The following SHB variants were observed in gnomAD, a reference collection of about 807,000 sequenced individuals.
The protein encoded by SHB is SH2 domain containing adaptor protein B.
SHB carries 20 observed loss-of-function variants against 52.3 expected under a neutral mutation model. The ratio of observed to expected loss-of-function variants is 0.38; its 90% CI spans 0.27 to 0.56. SHB has a LOEUF of 0.56. Among genes scored for constraint, SHB ranks in the 20% least tolerant of loss-of-function variants. SHB has a pLI of 0.71. For missense variants in SHB, 825 were observed against 723.3 expected, an observed-to-expected ratio of 1.14 and a Z score of -1.61; for synonymous variants, 397 against 316.5, an observed-to-expected ratio of 1.25 and a Z score of -2.70.
rs568621562 is a variant in SHB at position 37,926,215 on chromosome 9, G to A, written c.1347-6211C>T. ...ATAACCCCACCCCCACCCTGAGGAT[G>A]GCAATTCTGCCTCTTGAAAGCAGTG... is the stretch of plus-strand genomic sequence containing the variant. On this transcript the variant is annotated intron_variant, in intron 5 of 5. Coordinates refer to ENST00000377707, the MANE Select transcript of SHB (RefSeq NM_003028.3). Among the ~76,000 whole-genome samples the A allele has an allele frequency of 8.7e-5, 13 of 149,982 alleles. No homozygotes were observed. In the South Asian group the frequency reaches 2.8e-3, roughly 32 times the overall value.
At chr9:37,926,980 G>A (rs80233595) in intron 5 of SHB, among the ~76,000 whole-genome samples, 1,757 of 152,342 alleles carry the variant, frequency 0.012, 27 homozygotes, top group East Asian at 0.075. Flanking sequence ...GTCCATGACT[G>A]GACTAACCTG....
At position 38,068,561 on chromosome 9, in the gene SHB, C is replaced by T; in HGVS notation, c.85G>A (p.Glu29Lys). ...GGCCGCTCGCCTCGGCGCCGCTGCTCGCGGTAGTCTGGCCGCGGCGGCTGC... is the reference window on the plus strand; with the variant it reads ...GGCCGCTCGCCTCGGCGCCGCTGCTTGCGGTAGTCTGGCCGCGGCGGCTGC... ...PPQPPRPDYR[E>K]QRRRGERPSQ... is the part of the protein sequence containing the mutation. Residue 29 changes from glutamate (E) to lysine (K), a missense_variant, in exon 1 of 6, where the codon GAG (glutamate) becomes AAG (lysine). Physicochemically the swap from Glu to Lys is moderately conservative, Grantham distance 56 (BLOSUM62 1). Coordinates refer to ENST00000377707, the MANE Select transcript of SHB (RefSeq NM_003028.3). 2 of 1,472,568 alleles carry T rather than the reference C, an allele frequency of 1.4e-6. No individual in the cohort carries two copies. The highest frequency in any genetic ancestry group is 1.8e-6 in the Non-Finnish European group (2 of 1,123,650). The allele number at this position is 1,472,568 out of a possible 1,614,324, so 91.2% of individuals were successfully genotyped here. A position where few individuals can be genotyped will look rare whatever the true frequency, so the allele number is the denominator to read the frequency against.
rs1316519900 is a variant in SHB at position 38,063,541 on chromosome 9, A to C, written c.717+4388T>G. On this transcript the variant is annotated intron_variant, in intron 1 of 5. Transcript: ENST00000377707. ...CCACTCAGCCTTCTACACTCAGCTC[A>C]AGAGTGGCCTTCTGCTGAAGGCCCT... Among the ~76,000 whole-genome samples, 8 of 152,334 alleles carry C rather than the reference A, an allele frequency of 5.3e-5. No individual in the cohort carries two copies. The East Asian group carries it at 1.4e-3, about 26-fold the overall frequency.
chr9:37,951,925 G>A (rs1832571491), intron 4 of SHB, among the ~76,000 whole-genome samples: 1 of 152,226 alleles, frequency 6.6e-6, no homozygotes, highest in South Asian at 2.1e-4. Context: ...CCAACTGTTG[G>A]GCCCACGTAG....
chr9:38,028,732 C>G (rs1018790968), intron 1 of SHB, among the ~76,000 whole-genome samples: 1 of 152,222 alleles, frequency 6.6e-6, no homozygotes, highest in East Asian at 1.9e-4. Context: ...TCTGGCATCT[C>G]AGCAATTGAC....
Position 38,063,799 on chromosome 9 carries a change from T to TG in SHB, c.717+4129_717+4130insC, listed in dbSNP as rs1004227126. ...TTTAGAAACTGTTTGCTGGATGTTT[T>TG]TTTTTTTTTTTTTTTAAAGTTAGAC... is the stretch of plus-strand genomic sequence containing the variant. On this transcript the variant is annotated intron_variant, in intron 1 of 5. Coordinates refer to ENST00000377707, the MANE Select transcript of SHB (RefSeq NM_003028.3). Among the ~76,000 whole-genome samples the TG allele has an allele frequency of 9.9e-4, 150 of 151,738 alleles. 1 individual carries two copies. Among genetic ancestry groups the TG allele is most frequent in the Non-Finnish European group, 1.3e-3 (87 of 67,908 alleles).
At position 38,068,969 on chromosome 9, in the gene SHB, G is replaced by T. The variant is rs1260041281; in HGVS notation, c.-324C>A. ...AGCGCTCCACGCCGCGGACCCTTTG[G>T]CCGTACGCCCCTCGCCGTGGATCGC... On this transcript the variant is annotated 5_prime_UTR_variant, in exon 1 of 6. Transcript: ENST00000377707. The T allele has an allele frequency of 6.6e-6, 1 of 151,632 alleles. No individual in the cohort carries two copies. The highest frequency in any genetic ancestry group is 1.5e-5 in the Non-Finnish European group (1 of 67,880). The allele number at this position is 151,632 out of a possible 1,614,324, so 9.4% of individuals were successfully genotyped here.
At chr9:38,022,993 C>G (rs1821300061) in intron 1 of SHB, among the ~76,000 whole-genome samples, 1 of 152,158 alleles carries the variant, frequency 6.6e-6, no homozygotes, top group African/African-American at 2.4e-5. Flanking sequence ...GTGCAAAGCC[C>G]AGACTCAACT....
At chr9:37,992,966 T>A (rs901969088) in intron 2 of SHB, among the ~76,000 whole-genome samples, 5 of 152,004 alleles carry the variant, frequency 3.3e-5, no homozygotes, top group Non-Finnish European at 5.9e-5. Context: ...CCAACAGCAG[T>A]CAATAGGTTT....
At chr9:38,039,807 C>G (rs1228220783) in intron 1 of SHB, among the ~76,000 whole-genome samples, 1 of 152,234 alleles carries the variant, frequency 6.6e-6, no homozygotes, top group East Asian at 1.9e-4. Flanking sequence ...GCGGCTGGTC[C>G]AGTAGGCCAC....
At chr9:37,939,794 AC>A (rs1182491477) in intron 5 of SHB, among the ~76,000 whole-genome samples, 1 of 152,150 alleles carries the variant, frequency 6.6e-6, no homozygotes, top group African/African-American at 2.4e-5. Context: ...TAATGTGAAC[AC>A]CAGTTTCTTT....
intron 2 of SHB, among the ~76,000 whole-genome samples, chr9:38,006,863 C>A (rs1821082063): frequency 6.6e-6 from 1 of 152,200 alleles, no homozygotes; most frequent in Non-Finnish European, 1.5e-5. Context: ...CCCCCTTATC[C>A]CCAGAAGACA....
intron 1 of SHB, among the ~76,000 whole-genome samples, chr9:38,038,504 G>T (rs1484916797): frequency 6.6e-6 from 1 of 152,198 alleles, no homozygotes; most frequent in Admixed American, 6.5e-5. Flanking sequence ...TGGTCCCTGA[G>T]TCTAATGCAG....
rs1832616147 is a variant in SHB, at chr9:37,955,338, T to C, written c.1226+545A>G. On this transcript the variant is annotated intron_variant, in intron 4 of 5. Transcript: ENST00000377707. ...GTTCAGGGCTAGAAGCTAGGAGGTA[T>C]GTGTTCTAATCCTGGGCCTACCACT... Among the ~76,000 whole-genome samples, 5 of 152,014 alleles carry C rather than the reference T, an allele frequency of 3.3e-5. No homozygotes were observed. In the South Asian group the frequency reaches 8.3e-4, roughly 25 times the overall value.
chr9:38,035,612 C>T (rs1160477567), intron 1 of SHB, among the ~76,000 whole-genome samples: 1 of 152,116 alleles, frequency 6.6e-6, no homozygotes, highest in African/African-American at 2.4e-5. Flanking sequence ...CAGCAATGCC[C>T]ACGGTGGGGT....
chr9:38,032,389 G>A (rs936293058), intron 1 of SHB, among the ~76,000 whole-genome samples: 1 of 152,186 alleles, frequency 6.6e-6, no homozygotes, highest in African/African-American at 2.4e-5. Flanking sequence ...CCTACAGCCT[G>A]TTGTATGAGT....
At chr9:38,033,963 C>T (rs1258904153) in intron 1 of SHB, among the ~76,000 whole-genome samples, 2 of 152,208 alleles carry the variant, frequency 1.3e-5, no homozygotes, top group Non-Finnish European at 2.9e-5. Context: ...GGGCACTTAA[C>T]AGGTGAAACG....
intron 4 of SHB, among the ~76,000 whole-genome samples, chr9:37,953,941 C>G (rs531276209): frequency 2.0e-5 from 3 of 152,184 alleles, no homozygotes; most frequent in African/African-American, 7.2e-5. Flanking sequence ...GGCTGGGGGC[C>G]CCATCAAGTG....
intron 1 of SHB, among the ~76,000 whole-genome samples, chr9:38,049,564 C>T (rs1328504634): frequency 6.7e-6 from 1 of 149,698 alleles, no homozygotes; most frequent in Non-Finnish European, 1.5e-5. Context: ...TGAGCTATCG[C>T]ACCACTGCAC....
Sources: allele counts gnomAD v4.1 joint callset (sites outside exome capture counted in the v4.1 genomes callset), GRCh38; gene constraint gnomAD v4.1.1; transcripts MANE v1.5; gene names NCBI Gene and HGNC (gene_info 2026-07-23, HGNC 2026-07-21).